The following ANXA3 variants were observed in gnomAD, a reference collection of about 807,000 sequenced individuals.
The protein encoded by ANXA3 is annexin A3, also known as 35-alpha calcimedin.
A neutral mutation model predicts 48.8 loss-of-function variants in ANXA3; 46 were observed. The observed-to-expected ratio is 0.94, with a 90% CI of 0.74 to 1.21. The LOEUF is 1.21. Ranked by LOEUF, ANXA3 falls within the 50% of genes most tolerant of loss-of-function variation. The pLI is 0.00. For synonymous variants in ANXA3, 128 were observed against 134.7 expected (o/e 0.95, Z 0.35); for missense variants, 383 against 378.6 (o/e 1.01, Z -0.10).
intron 10 of ANXA3, among the ~76,000 whole-genome samples, chr4:78,601,094 G>A (rs918471896): frequency 2.0e-5 from 3 of 152,136 alleles, no homozygotes; most frequent in African/African-American, 7.2e-5. Context: ...CGTGCCTAAT[G>A]AGTTATTTGG....
chr4:78,608,786 C>T (rs1243743988), intron 12 of ANXA3, among the ~76,000 whole-genome samples: 1 of 151,960 alleles, frequency 6.6e-6, no homozygotes, highest in African/African-American at 2.4e-5. Context: ...TTTGGTTTTA[C>T]ATGTATTGAG....
intron 3 of ANXA3, among the ~76,000 whole-genome samples, chr4:78,575,501 A>G (rs1337452618): frequency 5.9e-5 from 9 of 152,110 alleles, no homozygotes; most frequent in Non-Finnish European, 1.3e-4. Context: ...TATAAGGTGG[A>G]GTTTCCCTGC....
chr4:78,591,385 C>A (rs1303397230), intron 6 of ANXA3, among the ~76,000 whole-genome samples, 159 bp from the exon 7 acceptor site: 1 of 152,136 alleles, frequency 6.6e-6, no homozygotes, highest in Non-Finnish European at 1.5e-5. Context: ...AAGAATGTAC[C>A]ATCTCACAAC....
In ANXA3 at chr4:78,600,464, C is replaced by T. The variant is rs554585077; in HGVS notation, c.731-1046C>T. On this transcript the variant is annotated intron_variant, in intron 10 of 12. Transcript: ENST00000264908. ...GAAAGCTTAATAGGATGAAAGTGGG[C>T]ATCATTATTTTTTATCAAGCTATTA... Among the ~76,000 whole-genome samples, 162 of 152,178 alleles carry T rather than the reference C, an allele frequency of 1.1e-3. No individual in the cohort carries two copies. The Middle Eastern group carries it at 0.02, about 19-fold the overall frequency.
At chr4:78,598,179 C>CCACACACACACA (rs57634883) in intron 10 of ANXA3, among the ~76,000 whole-genome samples, 1,475 of 144,744 alleles carry the variant, frequency 0.01, 27 homozygotes, top group African/African-American at 0.034. Context: ...ATTAAAAAAA[C>CCACACACACACA]CACACACACA....
At chr4:78,571,823 T>C (rs1290949749) in intron 2 of ANXA3, among the ~76,000 whole-genome samples, 1 of 152,242 alleles carries the variant, frequency 6.6e-6, no homozygotes, top group African/African-American at 2.4e-5. Flanking sequence ...CTTACTGACA[T>C]GCTTCTAATT....
At chr4:78,576,944 T>A (rs982315848) in intron 3 of ANXA3, among the ~76,000 whole-genome samples, 2 of 152,116 alleles carry the variant, frequency 1.3e-5, no homozygotes, top group Admixed American at 6.6e-5. Flanking sequence ...ATAGTTGTAG[T>A]CTAGGTGCAT....
chr4:78,597,533 C>T (rs1264030895), intron 10 of ANXA3, 119 bp downstream of exon 10: 13 of 636,104 alleles, frequency 2.0e-5, no homozygotes. Flanking sequence ...CCTACAGCCC[C>T]CAACATGGTC....
chr4:78,578,104 C>A (rs986657567), intron 3 of ANXA3, among the ~76,000 whole-genome samples: 16 of 151,368 alleles, frequency 1.1e-4, no homozygotes, highest in Non-Finnish European at 2.2e-4. Context: ...CATGGTGAAA[C>A]CCCATCTCTA....
chr4:78,579,826 G>A (rs1170041425), intron 4 of ANXA3, among the ~76,000 whole-genome samples: 1 of 152,124 alleles, frequency 6.6e-6, no homozygotes, highest in Non-Finnish European at 1.5e-5. Flanking sequence ...CTACTCGGGA[G>A]GCTGAGGGCT....
intron 6 of ANXA3, among the ~76,000 whole-genome samples, chr4:78,590,587 CCATGGATGGGGCAGA>C (rs1280578937): frequency 1.3e-5 from 2 of 152,158 alleles, no homozygotes; most frequent in South Asian, 4.2e-4. Context: ...AATCACCACC[CCATGGATGGGGCAGA>C]CAGAGATTTA....
intron 3 of ANXA3, among the ~76,000 whole-genome samples, chr4:78,575,346 G>T (rs1396430300): frequency 2.0e-5 from 3 of 151,574 alleles, no homozygotes; most frequent in Admixed American, 2.0e-4. Flanking sequence ...TTGGCCCTGT[G>T]TCCCCACCCA....
chr4:78,608,338 T>G (rs899752627), intron 12 of ANXA3, among the ~76,000 whole-genome samples: 1 of 152,104 alleles, frequency 6.6e-6, no homozygotes, highest in African/African-American at 2.4e-5. Flanking sequence ...TAGAACATTC[T>G]AATAAAAGAA....
At chr4:78,607,803 G>A (rs7661370) in intron 12 of ANXA3, among the ~76,000 whole-genome samples, 1 of 152,096 alleles carries the variant, frequency 6.6e-6, no homozygotes, top group Non-Finnish European at 1.5e-5. Context: ...TCTTGAGCCT[G>A]CCTTTCAGGT....
chr4:78,607,669 A>G (rs1723679335), intron 12 of ANXA3, among the ~76,000 whole-genome samples: 1 of 152,196 alleles, frequency 6.6e-6, no homozygotes, highest in African/African-American at 2.4e-5. Context: ...GACTTGAGGT[A>G]GGTATGAAGA....
At position 78,587,298 on chromosome 4, in the gene ANXA3, A is replaced by G. The variant is rs141713065; in HGVS notation, c.403+948A>G. On this transcript the variant is annotated intron_variant, in intron 6 of 12. Coordinates refer to ENST00000264908, the MANE Select transcript of ANXA3 (RefSeq NM_005139.3). ...TACACTCCCCAGAGGTCAGGCTGAT[A>G]TTGTGGCTCAAAGCCTCAACCTTTT... Among the ~76,000 whole-genome samples, 31 of 152,316 alleles carry G rather than the reference A, an allele frequency of 2.0e-4. No homozygotes were observed. The East Asian group carries it at 2.5e-3, about 12-fold the overall frequency.
Position 78,604,407 on chromosome 4 carries a change from T to C in ANXA3, c.912+8T>C, listed in dbSNP as rs1271963299. 6.2e-7 allele frequency: 1 copy of C among 1,606,878 alleles called. No individual in the cohort carries two copies. The highest frequency in any genetic ancestry group is 8.5e-7 in the Non-Finnish European group (1 of 1,174,968). On this transcript the variant is annotated splice_region_variant and intron_variant, in intron 12 of 12. Transcript: ENST00000264908. ...CTATATTCAGCAATTAAAGTAAGTC[T>C]ACTTTTAAAAATAGCAAAACATATT...
intron 2 of ANXA3, among the ~76,000 whole-genome samples, chr4:78,567,011 C>A (rs1328543153): frequency 6.6e-6 from 1 of 152,224 alleles, no homozygotes; most frequent in Non-Finnish European, 1.5e-5. Context: ...CTACTCCTTA[C>A]TGCCCTGTGG....
Position 78,572,794 on chromosome 4 carries a change from C to G in ANXA3, c.16-386C>G, listed in dbSNP as rs1485981551. Among the ~76,000 whole-genome samples the G allele has an allele frequency of 2.0e-5, 3 of 152,146 alleles. No homozygotes were observed. The East Asian group carries it at 5.8e-4, about 29-fold the overall frequency. ...ATGGCAGGTAATTATGTAACTATGC[C>G]TGCATCTTAGTAAAATTCAGGCCCC... On this transcript the variant is annotated intron_variant, in intron 2 of 12. Transcript: ENST00000264908.
Sources: gnomAD v4.1 joint callset for allele counts (sites outside exome capture counted in the v4.1 genomes callset) on GRCh38, gnomAD v4.1.1 for gene constraint, MANE v1.5 for transcripts, NCBI Gene and HGNC (gene_info 2026-07-23, HGNC 2026-07-21) for gene names.